Variants in COL22A1 observed in about 807,000 individuals in gnomAD.
COL22A1 encodes the protein collagen type XXII alpha 1 chain, also known as collagen alpha-1(XXII) chain.
A neutral mutation model predicts 248.9 loss-of-function variants in COL22A1; 221 were observed. The observed-to-expected ratio is 0.89, with a 90% CI of 0.80 to 0.99. The LOEUF (loss-of-function observed/expected upper bound fraction) is 0.99, where lower values mean the gene tolerates loss of function less well. Ranked by LOEUF, COL22A1 falls within the 50% of genes least tolerant of loss-of-function variation. COL22A1 has a pLI of 0.00. For missense variants in COL22A1, 2,240 were observed against 2,179.0 expected (o/e 1.03, Z -0.56); for synonymous variants, 891 against 793.4 (o/e 1.12, Z -2.07).
chr8:138,834,538 A>G lies in COL22A1; in HGVS notation c.734-1388T>C, dbSNP rs1820290545. On this transcript the variant is annotated intron_variant, in intron 4 of 64. Transcript: ENST00000303045. ...GGTAGTCCTGACATAAAGTTTGAGTATTAGAACCGGACAGATCTGGGTGGT... is the reference window on the plus strand; with the variant it reads ...GGTAGTCCTGACATAAAGTTTGAGTGTTAGAACCGGACAGATCTGGGTGGT... 2.0e-5 allele frequency among the ~76,000 whole-genome samples: 3 copies of G among 152,306 alleles called. No individual in the cohort carries two copies. In the South Asian group the frequency reaches 6.2e-4, roughly 32 times the overall value.
At chr8:138,806,783 C>T (rs1049336821) in intron 10 of COL22A1, among the ~76,000 whole-genome samples, 2 of 152,204 alleles carry the variant, frequency 1.3e-5, no homozygotes, top group Admixed American at 6.5e-5. Context: ...GGTAGGCTCC[C>T]ACTCAAGCCT....
At chr8:138,849,248 C>T (rs2131892946) in intron 3 of COL22A1, among the ~76,000 whole-genome samples, 1 of 152,324 alleles carries the variant, frequency 6.6e-6, no homozygotes, top group South Asian at 2.1e-4. Context: ...GTTTCTGAGC[C>T]TCTTGGCTGC....
At chr8:138,673,371 G>A (rs1332665511) in intron 41 of COL22A1, among the ~76,000 whole-genome samples, 1 of 152,050 alleles carries the variant, frequency 6.6e-6, no homozygotes, top group Non-Finnish European at 1.5e-5. Context: ...CACCATGCCT[G>A]GCTAACTTTG....
intron 5 of COL22A1, among the ~76,000 whole-genome samples, 198 bp from the exon 6 acceptor site, chr8:138,826,979 C>G (rs1819636479): frequency 6.6e-6 from 1 of 152,156 alleles, no homozygotes; most frequent in Non-Finnish European, 1.5e-5. Flanking sequence ...ATCGTCATGA[C>G]CCCCGAGGCT....
At chr8:138,671,549 G>T (rs11997487) in intron 41 of COL22A1, among the ~76,000 whole-genome samples, 1 of 152,196 alleles carries the variant, frequency 6.6e-6, no homozygotes, top group South Asian at 2.1e-4. Context: ...AAATTGTGTT[G>T]CCAAAGTAGA....
At chr8:138,663,563 G>T in intron 42 of COL22A1, 142 bp downstream of exon 42, 1 of 690,656 alleles carries the variant, frequency 1.4e-6, no homozygotes, top group South Asian at 1.7e-5. Flanking sequence ...AGAGTTCATA[G>T]GTTGGACAGT....
Position 138,796,849 on chromosome 8 carries a change from TC to T in COL22A1, c.1565del (p.Gly522AspfsTer28), listed in dbSNP as rs769564931. 1 of 1,599,296 alleles carries T rather than the reference TC, an allele frequency of 6.3e-7. No individual in the cohort carries two copies. The highest frequency in any genetic ancestry group is 1.1e-5 in the South Asian group (1 of 90,668). ...PKGEKGDVGIGPFGQGEKGEK... is the reference protein window; with the variant it reads ...PKGEKGDVGIXPFGQGEKGEK... ...CACCCTTTTCCCCTTGGCCAAAAGG[TC>T]CTATGCCCTAGAAAAATGAAAGAAG... On this transcript the variant is annotated frameshift_variant, in exon 12 of 65. Transcript: ENST00000303045. LOFTEE classifies it high-confidence loss of function.
chr8:138,757,902 C>T (rs1296014500), intron 18 of COL22A1, among the ~76,000 whole-genome samples: 3 of 152,226 alleles, frequency 2.0e-5, no homozygotes, highest in African/African-American at 7.2e-5. Flanking sequence ...CCCCCGTAGT[C>T]CCTGCTTCCT....
chr8:138,860,991 G>T (rs1822413115), intron 3 of COL22A1, among the ~76,000 whole-genome samples: 1 of 151,944 alleles, frequency 6.6e-6, no homozygotes, highest in African/African-American at 2.4e-5. Flanking sequence ...CTCCCCTTTG[G>T]CTCTGCCCTG....
At chr8:138,868,005 T>C (rs2131993064) in intron 3 of COL22A1, among the ~76,000 whole-genome samples, 1 of 152,286 alleles carries the variant, frequency 6.6e-6, no homozygotes, top group Admixed American at 6.5e-5. Flanking sequence ...CCTCGTGATC[T>C]GCCCACCTTA....
chr8:138,647,722 A>G (rs1822335586), intron 46 of COL22A1, among the ~76,000 whole-genome samples: 1 of 152,204 alleles, frequency 6.6e-6, no homozygotes, highest in South Asian at 2.1e-4. Flanking sequence ...AGGTCCTGCC[A>G]GAAGTTGTGG....
chr8:138,753,205 T>C (rs1336724656), intron 21 of COL22A1, among the ~76,000 whole-genome samples: 1 of 152,222 alleles, frequency 6.6e-6, no homozygotes, highest in Non-Finnish European at 1.5e-5. Context: ...ACTGGCCCTC[T>C]TGAACACCTG....
chr8:138,662,310 T>G (rs956511445), intron 42 of COL22A1, among the ~76,000 whole-genome samples: 2 of 152,174 alleles, frequency 1.3e-5, no homozygotes, highest in Non-Finnish European at 2.9e-5. Context: ...ATCTTCATTT[T>G]GAGCCTGACA....
At chr8:138,649,540 T>C (rs2130545191) in intron 46 of COL22A1, 125 bp downstream of exon 46, 1 of 1,482,302 alleles carries the variant, frequency 6.7e-7, no homozygotes, top group Non-Finnish European at 9.0e-7. Flanking sequence ...GTACTCCTCA[T>C]CTATCTTGAA....
chr8:138,856,570 CAGAG>C (rs936642816), intron 3 of COL22A1, among the ~76,000 whole-genome samples: 7 of 140,278 alleles, frequency 5.0e-5, no homozygotes, highest in African/African-American at 1.6e-4. Context: ...GAGAGAGGGA[CAGAG>C]AGAGAGACAG....
chr8:138,771,737 C>T lies in COL22A1; in HGVS notation c.1803+4229G>A, dbSNP rs541182541. ...TGGACCGGACGCTGTTCCTGTTATC[C>T]ACCTTCCAACGGCTTCAGAGAAGAC... On this transcript the variant is annotated intron_variant, in intron 16 of 64. Transcript: ENST00000303045. Among the ~76,000 whole-genome samples the T allele has an allele frequency of 5.9e-5, 9 of 152,280 alleles. No individual in the cohort carries two copies. The East Asian group carries it at 1.4e-3, about 23-fold the overall frequency.
intron 41 of COL22A1, among the ~76,000 whole-genome samples, chr8:138,664,202 C>CGT (rs1323775052): frequency 1.1e-4 from 10 of 88,566 alleles, no homozygotes; most frequent in Non-Finnish European, 1.7e-4. Context: ...GGTGCGCGCG[C>CGT]GCGCGCGCAC....
At chr8:138,612,880 G>A (rs59348891) in intron 56 of COL22A1, among the ~76,000 whole-genome samples, 2,652 of 131,138 alleles carry the variant, frequency 0.02, 77 homozygotes, top group African/African-American at 0.069. Context: ...AGGTTGCAAT[G>A]AGCCAAGATC....
chr8:138,835,676 C>T (rs1323167842), intron 4 of COL22A1, among the ~76,000 whole-genome samples: 1 of 152,212 alleles, frequency 6.6e-6, no homozygotes, highest in Non-Finnish European at 1.5e-5. Context: ...GCCTTGGTCC[C>T]TGGTAGAGAC....
Sources: allele counts gnomAD v4.1 joint callset (sites outside exome capture counted in the v4.1 genomes callset), GRCh38; gene constraint gnomAD v4.1.1; transcripts MANE v1.5; gene names NCBI Gene and HGNC (gene_info 2026-07-23, HGNC 2026-07-21).